LINGO2: variants seen among roughly 807,000 people sequenced by gnomAD.
The protein encoded by LINGO2 is leucine-rich repeat and immunoglobulin-like domain-containing nogo receptor-interacting protein 2.
A neutral mutation model predicts 30.6 loss-of-function variants in LINGO2; 14 were observed. That is an observed-to-expected ratio of 0.46 (90% CI 0.30 to 0.72). The LOEUF is 0.72. Among genes scored for constraint, LINGO2 ranks in the 30% least tolerant of loss-of-function variants. LINGO2 has a pLI of 0.07. For synonymous variants in LINGO2, 317 were observed against 288.5 expected, an observed-to-expected ratio of 1.10 and a Z score of -1.00; for missense variants, 729 against 751.7, an observed-to-expected ratio of 0.97 and a Z score of 0.35.
the LINGO2 span, among the ~76,000 whole-genome samples, chr9:28,939,543 G>C: frequency 6.8e-3 from 1,036 of 152,134 alleles, 11 homozygotes; most frequent in Non-Finnish European, 0.012. Flanking sequence ...CAGATTAAAT[G>C]GCATCTCTTC....
chr9:28,392,059 G>A (rs761465729), intron 2 of LINGO2, among the ~76,000 whole-genome samples: 2 of 152,102 alleles, frequency 1.3e-5, no homozygotes, highest in Non-Finnish European at 1.5e-5. Flanking sequence ...AAAAATTAGC[G>A]GGGCGTGATG....
chr9:28,745,394 T>A, the LINGO2 span, among the ~76,000 whole-genome samples: 3 of 152,132 alleles, frequency 2.0e-5, no homozygotes, highest in East Asian at 3.9e-4. Flanking sequence ...TGTCTCATAA[T>A]ATGGGGTTGG....
chr9:29,147,124 C>A, the LINGO2 span, among the ~76,000 whole-genome samples: 1,306 of 152,096 alleles, frequency 8.6e-3, 26 homozygotes, highest in African/African-American at 0.03. Context: ...ACATTTCTTA[C>A]TATATTTTCC....
the LINGO2 span, among the ~76,000 whole-genome samples, chr9:29,004,639 G>C: frequency 1.3e-5 from 2 of 151,860 alleles, no homozygotes; most frequent in African/African-American, 4.8e-5. Flanking sequence ...ACTTTCCAGG[G>C]CTACAGAGCT....
intron 1 of LINGO2, among the ~76,000 whole-genome samples, chr9:28,662,595 G>A (rs1422702852): frequency 6.6e-6 from 1 of 152,104 alleles, no homozygotes; most frequent in Non-Finnish European, 1.5e-5. Flanking sequence ...ATGTTGGCAT[G>A]TAATATATTG....
At chr9:28,769,550 G>T in the LINGO2 span, among the ~76,000 whole-genome samples, 3 of 91,684 alleles carry the variant, frequency 3.3e-5, 1 homozygote, top group African/African-American at 5.1e-5. Context: ...TTTTTTACCT[G>T]AATGTCCTCC....
chr9:27,939,811 A>G, the LINGO2 span: 1 of 152,238 alleles, frequency 6.6e-6, no homozygotes. Context: ...CTTGGAAATA[A>G]TATGAATAGT....
intron 2 of LINGO2, among the ~76,000 whole-genome samples, chr9:28,444,967 G>A (rs937415702): frequency 2.0e-5 from 3 of 152,148 alleles, no homozygotes; most frequent in Non-Finnish European, 4.4e-5. Context: ...AGGTGCTGCT[G>A]TCTACAGAGG....
intron 3 of LINGO2, among the ~76,000 whole-genome samples, chr9:28,323,564 C>A (rs1440876605): frequency 6.6e-6 from 1 of 152,200 alleles, no homozygotes; most frequent in Non-Finnish European, 1.5e-5. Context: ...CACGTCATTG[C>A]ACTCCAGCCT....
rs76652055 is a variant in LINGO2 at position 28,389,622 on chromosome 9, T to G, written c.-278-16754A>C. ...ATTCACAGTCAGCCCCACTTAGTGT[T>G]GCATCACCCTGCAGGGAGCCTCATC... On this transcript the variant is annotated intron_variant, in intron 2 of 5. Coordinates refer to ENST00000379992, the Ensembl canonical transcript of LINGO2. Among the ~76,000 whole-genome samples, 1,506 of 152,238 alleles carry G rather than the reference T, an allele frequency of 9.9e-3. 28 individuals carry two copies. The highest frequency in any genetic ancestry group is 0.034 in the African/African-American group (1,417 of 41,528).
chr9:28,326,307 A>G (rs1199323288), intron 3 of LINGO2, among the ~76,000 whole-genome samples: 1 of 152,128 alleles, frequency 6.6e-6, no homozygotes, highest in Non-Finnish European at 1.5e-5. Flanking sequence ...ACCCGGCCAC[A>G]AACTGTTTTT....
At chr9:28,555,581 G>C (rs1401900456) in intron 1 of LINGO2, among the ~76,000 whole-genome samples, 1 of 152,032 alleles carries the variant, frequency 6.6e-6, no homozygotes, top group Admixed American at 6.6e-5. Flanking sequence ...AGGAGGAACT[G>C]GTACCATTCC....
At chr9:27,948,409 C>A (rs1203154644) in exon 6 of LINGO2, 1 of 163,326 alleles carries the variant, frequency 6.1e-6, no homozygotes, top group East Asian at 1.8e-4. Flanking sequence ...TGGTATGATG[C>A]AAGGCTTTAA....
chr9:28,877,508 A>G, the LINGO2 span, among the ~76,000 whole-genome samples: 34 of 152,286 alleles, frequency 2.2e-4, no homozygotes, highest in Admixed American at 2.1e-3. Context: ...TTAAATAGGG[A>G]ATCCTTTCCC....
At chr9:28,999,657 C>A in the LINGO2 span, among the ~76,000 whole-genome samples, 1 of 152,002 alleles carries the variant, frequency 6.6e-6, no homozygotes, top group East Asian at 1.9e-4. Context: ...CCTGCAAAAT[C>A]TATTTCTGAA....
At chr9:29,017,733 G>A in the LINGO2 span, among the ~76,000 whole-genome samples, 1 of 152,000 alleles carries the variant, frequency 6.6e-6, no homozygotes. Flanking sequence ...AAGAGGAAAG[G>A]GTAAGTGAGA....
the LINGO2 span, among the ~76,000 whole-genome samples, chr9:29,031,618 A>G: frequency 2.0e-5 from 3 of 152,064 alleles, no homozygotes; most frequent in Non-Finnish European, 2.9e-5. Context: ...TATCTATGAC[A>G]CTGAGTCAAA....
At chr9:29,127,649 GTT>G in the LINGO2 span, among the ~76,000 whole-genome samples, 4 of 152,068 alleles carry the variant, frequency 2.6e-5, no homozygotes, top group African/African-American at 9.7e-5. Context: ...TTCAGCAGCT[GTT>G]TCCTAGTAGA....
At chr9:28,932,166 G>A in the LINGO2 span, among the ~76,000 whole-genome samples, 8 of 63,472 alleles carry the variant, frequency 1.3e-4, no homozygotes, top group Admixed American at 1.7e-4. Flanking sequence ...AGGCAGTGGC[G>A]GGGGCCGGGG....
Sources: allele counts gnomAD v4.1 joint callset (sites outside exome capture counted in the v4.1 genomes callset), GRCh38; gene constraint gnomAD v4.1.1; transcripts MANE v1.5; gene names NCBI Gene and HGNC (gene_info 2026-07-23, HGNC 2026-07-21).